ATXN1: variants seen among roughly 807,000 people sequenced by gnomAD.
ATXN1 encodes ataxin 1.
In ATXN1, 8 loss-of-function variants were observed where a neutral mutation model predicts 56.4. That is an observed-to-expected ratio of 0.14 (90% CI 0.08 to 0.26). The LOEUF (loss-of-function observed/expected upper bound fraction) is 0.26, where lower values mean the gene tolerates loss of function less well. Ranked by LOEUF, ATXN1 falls within the 10% of genes least tolerant of loss-of-function variation. The pLI is 1.00. For synonymous variants in ATXN1, 514 were observed against 494.6 expected (o/e 1.04, Z -0.52); for missense variants, 987 against 1,106.5 (o/e 0.89, Z 1.53).
intron 6 of ATXN1, among the ~76,000 whole-genome samples, chr6:16,398,949 T>TG (rs1320632127): frequency 2.6e-5 from 4 of 152,220 alleles, no homozygotes; most frequent in African/African-American, 7.2e-5. Flanking sequence ...CATGGGTCTT[T>TG]GGGCCCTCCA....
At chr6:16,478,034 C>T (rs1213967926) in intron 6 of ATXN1, among the ~76,000 whole-genome samples, 2 of 152,190 alleles carry the variant, frequency 1.3e-5, no homozygotes, top group Non-Finnish European at 2.9e-5. Context: ...CCAGCCAGCA[C>T]GTTGCTAGGA....
At chr6:16,370,120 T>A (rs1345875411) in intron 6 of ATXN1, among the ~76,000 whole-genome samples, 1 of 152,184 alleles carries the variant, frequency 6.6e-6, no homozygotes, top group Non-Finnish European at 1.5e-5. Context: ...CCAGGAATCC[T>A]GCATGAGGTG....
At chr6:16,335,245 G>C (rs1280271167) in intron 6 of ATXN1, among the ~76,000 whole-genome samples, 2 of 152,248 alleles carry the variant, frequency 1.3e-5, no homozygotes, top group Non-Finnish European at 2.9e-5. Flanking sequence ...TAAGCGTGGA[G>C]CTTCATGGGG....
At chr6:16,647,162 G>A (rs775116394) in intron 3 of ATXN1, among the ~76,000 whole-genome samples, 7 of 151,950 alleles carry the variant, frequency 4.6e-5, no homozygotes, top group African/African-American at 7.3e-5. Context: ...CTGCCACCAC[G>A]CCCGGCTAAT....
At position 16,327,883 on chromosome 6, in the gene ATXN1, A is replaced by T; in HGVS notation, c.428T>A (p.Ile143Asn). 15 of 1,607,480 alleles carry T rather than the reference A, an allele frequency of 9.3e-6. No homozygotes were observed. The highest frequency in any genetic ancestry group is 1.3e-5 in the Non-Finnish European group (15 of 1,179,868). Reference sequence around the variant, plus strand: ...GGTTGGGGGGATCAGCTGTGATGGGATGAAGCTGGCATAGGTTCCACTGTA... The same window carrying T: ...GGTTGGGGGGATCAGCTGTGATGGGTTGAAGCTGGCATAGGTTCCACTGTA... ...SQYSGTYASFIPSQLIPPTAN... is the reference protein window; with the variant it reads ...SQYSGTYASFNPSQLIPPTAN... The change falls in exon 7 of 8, where the codon ATC becomes AAC. Residue 143 changes from isoleucine to asparagine, a missense_variant. Transcript: ENST00000436367.
intron 6 of ATXN1, among the ~76,000 whole-genome samples, chr6:16,474,846 A>G (rs1368803779): frequency 2.7e-5 from 4 of 146,860 alleles, no homozygotes; most frequent in Non-Finnish European, 6.0e-5. Context: ...ACACACACAC[A>G]CACACACACA....
At chr6:16,637,314 G>A (rs1267571256) in intron 3 of ATXN1, among the ~76,000 whole-genome samples, 1 of 149,782 alleles carries the variant, frequency 6.7e-6, no homozygotes, top group Non-Finnish European at 1.5e-5. Flanking sequence ...CTTGGTCACA[G>A]GAAGGGGAAC....
At chr6:16,741,629 AT>A (rs1379479197) in intron 2 of ATXN1, among the ~76,000 whole-genome samples, 1 of 152,216 alleles carries the variant, frequency 6.6e-6, no homozygotes, top group African/African-American at 2.4e-5. Flanking sequence ...ATTTACACAT[AT>A]TAAAAAACCC....
intron 2 of ATXN1, among the ~76,000 whole-genome samples, chr6:16,676,394 A>G (rs1471004734): frequency 6.6e-6 from 1 of 152,234 alleles, no homozygotes; most frequent in East Asian, 1.9e-4. Flanking sequence ...ACATTATTTC[A>G]AAACCCACAA....
intron 4 of ATXN1, among the ~76,000 whole-genome samples, chr6:16,560,386 A>G (rs1444441794): frequency 6.6e-6 from 1 of 152,132 alleles, no homozygotes; most frequent in Non-Finnish European, 1.5e-5. Context: ...CCGAGATCAC[A>G]CCATTGCACT....
chr6:16,350,963 A>G lies in ATXN1; in HGVS notation c.-160-22493T>C, dbSNP rs550855201. On this transcript the variant is annotated intron_variant, in intron 6 of 7. Coordinates refer to ENST00000436367, the MANE Select transcript of ATXN1 (RefSeq NM_001128164.2). ...GGCAGGTGTGGTGGTGCATGCTTGC[A>G]GTCCCAGCAACTTGGGAGGCTGAGG... Among the ~76,000 whole-genome samples the G allele has an allele frequency of 1.4e-3, 219 of 152,310 alleles. 1 individual carries two copies. The highest frequency in any genetic ancestry group is 4.8e-3 in the African/African-American group (201 of 41,568).
chr6:16,473,273 T>C (rs1760258033), intron 6 of ATXN1, among the ~76,000 whole-genome samples: 1 of 152,208 alleles, frequency 6.6e-6, no homozygotes, highest in African/African-American at 2.4e-5. Flanking sequence ...TCCGACCCGA[T>C]ATCAGGCAGT....
intron 3 of ATXN1, among the ~76,000 whole-genome samples, chr6:16,613,829 G>GATAAAATAAAATGAA (rs1234400653): frequency 3.8e-4 from 58 of 151,942 alleles, no homozygotes; most frequent in Middle Eastern, 3.4e-3. Flanking sequence ...ACCCTGTCTT[G>GATAAAATAAAATGAA]ATAAAATAAA....
At chr6:16,340,243 A>G (rs1171182315) in intron 6 of ATXN1, among the ~76,000 whole-genome samples, 4 of 152,244 alleles carry the variant, frequency 2.6e-5, no homozygotes, top group African/African-American at 9.6e-5. Context: ...GCCATGAGGT[A>G]TACGTTCCAA....
chr6:16,442,194 C>T (rs542672664), intron 6 of ATXN1, among the ~76,000 whole-genome samples: 1 of 152,280 alleles, frequency 6.6e-6, no homozygotes, highest in African/African-American at 2.4e-5. Context: ...GGAAAGACAA[C>T]TAAGCCAAGG....
At chr6:16,754,244 T>C (rs1472107692) in intron 1 of ATXN1, among the ~76,000 whole-genome samples, 2 of 152,248 alleles carry the variant, frequency 1.3e-5, no homozygotes, top group Non-Finnish European at 2.9e-5. Context: ...GCAGGGTTAC[T>C]ATAAAATCAT....
intron 2 of ATXN1, among the ~76,000 whole-genome samples, chr6:16,723,600 T>C (rs1759789255): frequency 6.6e-6 from 1 of 152,096 alleles, no homozygotes; most frequent in Non-Finnish European, 1.5e-5. Context: ...CTGGACAAAT[T>C]CCCTGCATTC....
chr6:16,349,365 T>C (rs1377301149), intron 6 of ATXN1, among the ~76,000 whole-genome samples: 1 of 152,120 alleles, frequency 6.6e-6, no homozygotes, highest in Admixed American at 6.5e-5. Flanking sequence ...TAGCTGGGCA[T>C]GGTGGCACGT....
In ATXN1 at chr6:16,410,008, T is replaced by C. The variant is rs555492804; in HGVS notation, c.-161+75964A>G. ...TCAAGACTGGGCATGTGTCCAGTGATGCTCTGAAGCTGGCAAAGATGAGCA... is the reference window on the plus strand; with the variant it reads ...TCAAGACTGGGCATGTGTCCAGTGACGCTCTGAAGCTGGCAAAGATGAGCA... On this transcript the variant is annotated intron_variant, in intron 6 of 7. Transcript: ENST00000436367. This position sits in a 1 kb window ranked among gnomAD's most constrained non-coding sequence, Gnocchi z 4.6. Among the ~76,000 whole-genome samples, 5 of 152,192 alleles carry C rather than the reference T, an allele frequency of 3.3e-5. No homozygotes were observed. The South Asian group carries it at 1.0e-3, about 32-fold the overall frequency.
Sources: gnomAD v4.1 joint callset for allele counts (sites outside exome capture counted in the v4.1 genomes callset) on GRCh38, gnomAD v4.1.1 for gene constraint, Gnocchi (gnomAD v3.1) non-coding constraint, MANE v1.5 for transcripts, NCBI Gene and HGNC (gene_info 2026-07-23, HGNC 2026-07-21) for gene names.